The following LMF1 variants were observed in gnomAD, a reference collection of about 807,000 sequenced individuals.
LMF1 encodes lipase maturation factor 1.
LMF1 carries 68 observed loss-of-function variants against 60.6 expected under a neutral mutation model. The observed-to-expected ratio is 1.12, with a 90% CI of 0.92 to 1.37. The LOEUF is 1.37. Among genes scored for constraint, LMF1 ranks in the 40% most tolerant of loss-of-function variants. The pLI is 0.00. For synonymous variants in LMF1, 418 were observed against 324.7 expected, an observed-to-expected ratio of 1.29 and a Z score of -3.09; for missense variants, 948 against 767.2, an observed-to-expected ratio of 1.24 and a Z score of -2.78.
chr16:924,266 A>AAGAC (rs1316060387), intron 3 of LMF1, among the ~76,000 whole-genome samples: 2 of 152,186 alleles, frequency 1.3e-5, no homozygotes, highest in African/African-American at 4.8e-5. Context: ...ATCAGTCAGA[A>AAGAC]AGACAGACAA....
At chr16:971,121 G>A (rs1464258082), upstream of LMF1, 37 of 851,200 alleles carry the variant, frequency 4.3e-5, no homozygotes, top group Middle Eastern at 4.0e-4. Flanking sequence ...TCACAGTCCC[G>A]GAGGCACCGC....
chr16:934,425 C>A (rs1317729485), intron 2 of LMF1, 171 bp from the exon 3 acceptor site: 2 of 717,392 alleles, frequency 2.8e-6, no homozygotes, highest in South Asian at 3.4e-5. Flanking sequence ...AGCCCCTCCC[C>A]ACGGCTCACA....
At chr16:904,355 A>G (rs1482367203) in intron 4 of LMF1, among the ~76,000 whole-genome samples, 17 of 91,828 alleles carry the variant, frequency 1.9e-4, no homozygotes, top group Non-Finnish European at 1.3e-4. Flanking sequence ...TGCATCGCCC[A>G]CAGGACGCCT....
At chr16:913,753 C>T (rs1040486909) in intron 3 of LMF1, among the ~76,000 whole-genome samples, 10 of 152,350 alleles carry the variant, frequency 6.6e-5, no homozygotes, top group African/African-American at 2.2e-4. Flanking sequence ...CTCATAACTG[C>T]CTTGCTGGAG....
At chr16:857,799 CGTGGTGTCTCGGGATGGGTGTGA>C (rs1567132922) in intron 10 of LMF1, among the ~76,000 whole-genome samples, 2 of 2,376 alleles carry the variant, frequency 8.4e-4, no homozygotes, top group Non-Finnish European at 1.2e-3. Flanking sequence ...GATGGGTGTG[CGTGGTGTCTCGGGATGGGTGTGA>C]GTGGTGTCTC....
intron 3 of LMF1, chr16:933,199 A>G (rs2071841555): frequency 6.6e-6 from 1 of 152,274 alleles, no homozygotes; most frequent in Non-Finnish European, 1.5e-5. Context: ...GAAACCCATG[A>G]GTGACAGTGG....
chr16:894,041 TCGTCCCCTGTCCACCAGACC>T (rs2070579716), intron 4 of LMF1, among the ~76,000 whole-genome samples: 1 of 12,976 alleles, frequency 7.7e-5, no homozygotes, highest in Admixed American at 7.1e-4. Flanking sequence ...GTCTGCCCAC[TCGTCCCCTGTCCACCAGACC>T]ATCCGCCCAC....
Position 879,270 on chromosome 16 carries a change from C to T in LMF1, c.897+300G>A, listed in dbSNP as rs560519170. Among the ~76,000 whole-genome samples the T allele has an allele frequency of 7.2e-5, 11 of 152,298 alleles. No individual in the cohort carries two copies. The South Asian group carries it at 2.1e-3, about 29-fold the overall frequency. On this transcript the variant is annotated intron_variant, in intron 6 of 10. Transcript: ENST00000262301. ...TGGGGGTGTCCACACAGGGCCTTGG[C>T]GTGCTGACCCCGTCCCACTGCCGAG...
chr16:912,430 G>A (rs905765469), intron 3 of LMF1, among the ~76,000 whole-genome samples: 12 of 152,318 alleles, frequency 7.9e-5, no homozygotes, highest in South Asian at 2.1e-4. Context: ...TCAAAAGCCC[G>A]TGAAGAGGCT....
chr16:895,322 C>G (rs2070632219), intron 4 of LMF1, among the ~76,000 whole-genome samples: 1 of 152,240 alleles, frequency 6.6e-6, no homozygotes, highest in South Asian at 2.1e-4. Flanking sequence ...GTCAGCCCAT[C>G]ACGGGCTGTA....
At chr16:882,894 C>T (rs915129534) in intron 5 of LMF1, among the ~76,000 whole-genome samples, 3 of 150,358 alleles carry the variant, frequency 2.0e-5, no homozygotes, top group Non-Finnish European at 3.0e-5. Context: ...AGCCACCCAG[C>T]GGAGCCCATC....
At position 879,133 on chromosome 16, in the gene LMF1, T is replaced by C. The variant is rs1462292713; in HGVS notation, c.897+437A>G. ...TGGGGGAGGCAGCCCCTCACCCACA[T>C]GGAGGCAAATGACCCTGGCCTCTCT... is the stretch of plus-strand genomic sequence containing the variant. On this transcript the variant is annotated intron_variant, in intron 6 of 10. Transcript: ENST00000262301. 3.3e-5 allele frequency among the ~76,000 whole-genome samples: 5 copies of C among 152,112 alleles called. No individual in the cohort carries two copies. In the East Asian group the frequency reaches 9.7e-4, roughly 29 times the overall value.
At position 896,954 on chromosome 16, in the gene LMF1, G is replaced by A. The variant is rs190295763; in HGVS notation, c.664-3882C>T. Among the ~76,000 whole-genome samples, 8 of 151,546 alleles carry A rather than the reference G, an allele frequency of 5.3e-5. No homozygotes were observed. The East Asian group carries it at 1.4e-3, about 26-fold the overall frequency. ...TTTTTCTCCCAGAGCAAGTGTCAAA[G>A]GAACAAAGCCTTCTTTGAGGCTTTT... On this transcript the variant is annotated intron_variant, in intron 4 of 10. Transcript: ENST00000262301.
intron 3 of LMF1, among the ~76,000 whole-genome samples, chr16:912,907 G>T (rs942393394): frequency 6.6e-6 from 1 of 152,230 alleles, no homozygotes; most frequent in Non-Finnish European, 1.5e-5. Context: ...ACGCTGCCAG[G>T]GCGGCCTCAG....
chr16:981,327 AGAGAGAGAGAGAGAGAGAGAGTGT>A (rs2073360033), upstream of LMF1: 1 of 326,582 alleles, frequency 3.1e-6, no homozygotes, highest in Non-Finnish European at 6.3e-6. Flanking sequence ...AGAGAGAGAG[AGAGAGAGAGAGAGAGAGAGAGTGT>A]GTGTGTGTGT....
intron 7 of LMF1, 78 bp downstream of exon 7, chr16:871,083 C>G: frequency 6.9e-7 from 1 of 1,459,380 alleles, no homozygotes; most frequent in South Asian, 1.4e-5. Context: ...GTCCCCAACC[C>G]ACACGGGCAG....
chr16:855,390 C>G, intron 10 of LMF1: 1 of 340,076 alleles, frequency 2.9e-6, no homozygotes, highest in Non-Finnish European at 5.8e-6. Context: ...TGTATAAGGT[C>G]CCGCCTGACC....
At chr16:950,742 C>T (rs1455272622) in intron 2 of LMF1, among the ~76,000 whole-genome samples, 20 of 111,956 alleles carry the variant, frequency 1.8e-4, no homozygotes, top group Admixed American at 1.3e-3. Flanking sequence ...GAGTCAGAGA[C>T]GACAGAGTCA....
At chr16:921,584 C>G (rs908924076) in intron 3 of LMF1, among the ~76,000 whole-genome samples, 10 of 152,212 alleles carry the variant, frequency 6.6e-5, no homozygotes, top group African/African-American at 2.4e-4. Flanking sequence ...GATGACGGGA[C>G]TTTCTGGGGT....
Sources: allele counts gnomAD v4.1 joint callset (sites outside exome capture counted in the v4.1 genomes callset), GRCh38; gene constraint gnomAD v4.1.1; transcripts MANE v1.5; gene names NCBI Gene and HGNC (gene_info 2026-07-23, HGNC 2026-07-21).